SETD3: variants seen among roughly 807,000 people sequenced by gnomAD.
SETD3 encodes the protein actin-histidine N-methyltransferase.
Under a neutral mutation model 63.0 loss-of-function variants are expected in SETD3, and 19 were observed. The ratio of observed to expected loss-of-function variants is 0.30; its 90% CI spans 0.21 to 0.44. SETD3 has a LOEUF of 0.44. SETD3 is among the 20% of genes least tolerant of loss of function. The probability of loss-of-function intolerance (pLI) is 1.00; values close to 1 mark genes in which losing one functional copy is unlikely to be tolerated. For missense variants in SETD3, 587 were observed against 728.5 expected, an observed-to-expected ratio of 0.81 and a Z score of 2.24; for synonymous variants, 286 against 264.1, an observed-to-expected ratio of 1.08 and a Z score of -0.80.
chr14:99,402,773 T>A (rs941400261), intron 11 of SETD3, among the ~76,000 whole-genome samples: 1 of 152,186 alleles, frequency 6.6e-6, no homozygotes, highest in South Asian at 2.1e-4. Flanking sequence ...GGAATCTACA[T>A]CAGTAAAATG....
At chr14:99,437,120 T>A (rs1893527822) in intron 6 of SETD3, among the ~76,000 whole-genome samples, 1 of 152,174 alleles carries the variant, frequency 6.6e-6, no homozygotes, top group South Asian at 2.1e-4. Flanking sequence ...TAGGCCTCAA[T>A]TTCCTCACTG....
intron 12 of SETD3, among the ~76,000 whole-genome samples, chr14:99,399,835 C>T (rs1629321): frequency 0.018 from 2,729 of 150,792 alleles, 76 homozygotes; most frequent in African/African-American, 0.063. Flanking sequence ...ACTGCAACCT[C>T]CGCCTCCTGG....
At chr14:99,482,020 C>G (rs3918038), upstream of SETD3, among the ~76,000 whole-genome samples, 75,905 of 151,966 alleles carry the variant, frequency 0.5, 19,545 homozygotes, top group Non-Finnish European at 0.58. Context: ...TCTTTACGGA[C>G]CCGCTCCTGG....
intron 6 of SETD3, among the ~76,000 whole-genome samples, chr14:99,432,499 G>A (rs992227745): frequency 4.6e-5 from 7 of 152,146 alleles, no homozygotes; most frequent in African/African-American, 1.2e-4. Context: ...CCACCAAAAA[G>A]CAAAACTTCA....
intron 6 of SETD3, among the ~76,000 whole-genome samples, chr14:99,454,327 C>T (rs753496025): frequency 3.9e-5 from 6 of 152,098 alleles, no homozygotes; most frequent in East Asian, 1.9e-4. Context: ...GTAGCTGGGA[C>T]GACAGGTGTA....
At chr14:99,434,477 G>A (rs980279991) in intron 6 of SETD3, among the ~76,000 whole-genome samples, 4 of 152,080 alleles carry the variant, frequency 2.6e-5, no homozygotes, top group African/African-American at 4.8e-5. Flanking sequence ...GGGCACTGAC[G>A]GGGAAAAGAC....
At chr14:99,458,856 C>T (rs2400668) in intron 5 of SETD3, among the ~76,000 whole-genome samples, 146,851 of 150,836 alleles carry the variant, frequency 0.97, 71,603 homozygotes, top group East Asian at 1. Context: ...GAGATCAAGG[C>T]TGTAGTGAGC....
chr14:99,454,994 T>A (rs1043195430), intron 6 of SETD3, among the ~76,000 whole-genome samples: 1 of 152,272 alleles, frequency 6.6e-6, no homozygotes, highest in African/African-American at 2.4e-5. Flanking sequence ...CATATTTTTA[T>A]CTTACAGACT....
chr14:99,423,883 T>C (rs1248562355), intron 6 of SETD3, among the ~76,000 whole-genome samples: 1 of 151,706 alleles, frequency 6.6e-6, no homozygotes, highest in African/African-American at 2.4e-5. Flanking sequence ...TCCTTTTTCA[T>C]AAAAATCATA....
chr14:99,454,195 T>C (rs1056630325), intron 6 of SETD3, among the ~76,000 whole-genome samples: 1 of 151,956 alleles, frequency 6.6e-6, no homozygotes, highest in Non-Finnish European at 1.5e-5. Flanking sequence ...TGGGAGCAAA[T>C]GCTTTTTTTT....
intron 6 of SETD3, among the ~76,000 whole-genome samples, chr14:99,430,968 G>T (rs1893142706): frequency 6.6e-6 from 1 of 152,208 alleles, no homozygotes; most frequent in Non-Finnish European, 1.5e-5. Context: ...TGCCTACTGT[G>T]TGCCAGACAC....
chr14:99,426,916 T>C (rs1892912444), intron 6 of SETD3, among the ~76,000 whole-genome samples: 1 of 152,146 alleles, frequency 6.6e-6, no homozygotes, highest in Admixed American at 6.5e-5. Context: ...CTTTCATATT[T>C]ACCTACTCCC....
At chr14:99,476,942 G>A (rs1896002027) in intron 1 of SETD3, among the ~76,000 whole-genome samples, 1 of 152,040 alleles carries the variant, frequency 6.6e-6, no homozygotes. Flanking sequence ...ACATTCTCTA[G>A]ACAATTTTTT....
intron 6 of SETD3, among the ~76,000 whole-genome samples, chr14:99,440,863 A>C (rs181051093): frequency 4.0e-4 from 61 of 152,242 alleles, no homozygotes; most frequent in African/African-American, 1.4e-3. Context: ...AGCCCAAGAG[A>C]ACACAAGCCA....
intron 1 of SETD3, among the ~76,000 whole-genome samples, chr14:99,466,958 T>C (rs980902423): frequency 1.3e-5 from 2 of 152,186 alleles, no homozygotes; most frequent in African/African-American, 4.8e-5. Context: ...CTTTGGTCCA[T>C]TTGTTTTTTA....
intron 1 of SETD3, among the ~76,000 whole-genome samples, chr14:99,477,146 G>A (rs1207902564): frequency 6.6e-6 from 1 of 151,960 alleles, no homozygotes; most frequent in South Asian, 2.1e-4. Flanking sequence ...AGACTGTTTG[G>A]ACTCACTAGT....
At chr14:99,441,940 G>C (rs1893843139) in intron 6 of SETD3, among the ~76,000 whole-genome samples, 1 of 152,206 alleles carries the variant, frequency 6.6e-6, no homozygotes, top group South Asian at 2.1e-4. Flanking sequence ...ATGGAGTCGT[G>C]GCTAAGGAAA....
At chr14:99,424,834 TGA>T (rs1469986097) in intron 6 of SETD3, among the ~76,000 whole-genome samples, 1 of 151,728 alleles carries the variant, frequency 6.6e-6, no homozygotes, top group Non-Finnish European at 1.5e-5. Context: ...CCCAGGGAAG[TGA>T]GAGAGAAGCC....
chr14:99,431,479 A>G (rs900589154), intron 6 of SETD3, among the ~76,000 whole-genome samples: 6 of 152,002 alleles, frequency 3.9e-5, no homozygotes, highest in African/African-American at 1.4e-4. Flanking sequence ...AAATAGCAAC[A>G]TGCATTAGTA....
Sources: allele counts gnomAD v4.1 joint callset (sites outside exome capture counted in the v4.1 genomes callset), GRCh38; gene constraint gnomAD v4.1.1; transcripts MANE v1.5; gene names NCBI Gene and HGNC (gene_info 2026-07-23, HGNC 2026-07-21).